GRM5: variants seen among roughly 807,000 people sequenced by gnomAD.
The protein encoded by GRM5 is glutamate metabotropic receptor 5, also known as metabotropic glutamate receptor 5.
A neutral mutation model predicts 83.1 loss-of-function variants in GRM5; 19 were observed. That is an observed-to-expected ratio of 0.23 (90% confidence interval 0.16 to 0.34). GRM5 has a LOEUF of 0.34. GRM5 is among the 10% of genes least tolerant of loss of function. The probability of loss-of-function intolerance (pLI) is 1.00; values close to 1 mark genes in which losing one functional copy is unlikely to be tolerated. For synonymous variants in GRM5, 675 were observed against 633.6 expected (o/e 1.07, Z -0.98); for missense variants, 1,160 against 1,588.3 (o/e 0.73, Z 4.58).
intron 3 of GRM5, among the ~76,000 whole-genome samples, chr11:88,656,526 T>G (rs1475395074): frequency 6.6e-6 from 1 of 152,142 alleles, no homozygotes; most frequent in Non-Finnish European, 1.5e-5. Context: ...TTGAAAAAGG[T>G]GACTCTGCTT....
intron 3 of GRM5, among the ~76,000 whole-genome samples, chr11:88,670,135 G>T (rs1940153560): frequency 6.6e-6 from 1 of 152,014 alleles, no homozygotes; most frequent in South Asian, 2.1e-4. Context: ...AGGCAACACT[G>T]CAAAGAAGTA....
At chr11:88,917,259 GC>G (rs1945611031) in intron 2 of GRM5, among the ~76,000 whole-genome samples, 1 of 152,208 alleles carries the variant, frequency 6.6e-6, no homozygotes, top group African/African-American at 2.4e-5. Flanking sequence ...GTATGAGTCA[GC>G]AAGACTTAAA....
intron 3 of GRM5, among the ~76,000 whole-genome samples, chr11:88,762,616 T>C (rs1942546793): frequency 6.6e-6 from 1 of 152,008 alleles, no homozygotes; most frequent in Admixed American, 6.6e-5. Flanking sequence ...TGGAAAGCAG[T>C]GTGGTACCTC....
intron 9 of GRM5, among the ~76,000 whole-genome samples, chr11:88,511,088 G>A (rs933783007): frequency 5.3e-5 from 8 of 152,208 alleles, no homozygotes; most frequent in South Asian, 4.1e-4. Context: ...TGATTGTCTG[G>A]ATTGGCTTCC....
chr11:88,990,629 A>C (rs1460386854), intron 2 of GRM5, among the ~76,000 whole-genome samples: 13 of 149,056 alleles, frequency 8.7e-5, no homozygotes, highest in African/African-American at 2.0e-4. Context: ...TACTGGCAAA[A>C]CGAATCCAGC....
intron 2 of GRM5, among the ~76,000 whole-genome samples, chr11:89,029,130 A>G (rs1445395716): frequency 7.9e-5 from 12 of 152,226 alleles, no homozygotes; most frequent in Admixed American, 7.9e-4. Flanking sequence ...TTATGCCTGC[A>G]TAGTATTCCA....
At chr11:88,807,583 G>A (rs560737479) in intron 3 of GRM5, among the ~76,000 whole-genome samples, 1 of 152,204 alleles carries the variant, frequency 6.6e-6, no homozygotes, top group South Asian at 2.1e-4. Context: ...GCTGGGCCCT[G>A]TGAGTCGAGC....
chr11:88,983,812 C>A (rs1255251496), intron 2 of GRM5, among the ~76,000 whole-genome samples: 2 of 151,962 alleles, frequency 1.3e-5, no homozygotes, highest in Non-Finnish European at 2.9e-5. Context: ...TGCCCCCATG[C>A]ACATTATTGC....
Position 88,578,847 on chromosome 11 carries a change from A to T in GRM5, c.1691-10855T>A, listed in dbSNP as rs143582690. 7.3e-3 allele frequency among the ~76,000 whole-genome samples: 1,114 copies of T among 151,888 alleles called. 11 individuals are homozygous for T. Among genetic ancestry groups the T allele is most frequent in the African/African-American group, 0.026 (1,076 of 41,466 alleles). On this transcript the variant is annotated intron_variant, in intron 7 of 9. Transcript: ENST00000305447. ...CTAACTGAAACAACTTTATCAAGCT[A>T]ACTGTTTGAAAAAAAAAAGACAGTG...
At chr11:88,886,072 A>G (rs1390874227) in intron 2 of GRM5, among the ~76,000 whole-genome samples, 1 of 152,228 alleles carries the variant, frequency 6.6e-6, no homozygotes, top group African/African-American at 2.4e-5. Flanking sequence ...TGAGCCCTGT[A>G]TAAATCAGAC....
chr11:88,811,602 T>A (rs1943589691), intron 3 of GRM5, among the ~76,000 whole-genome samples: 1 of 152,094 alleles, frequency 6.6e-6, no homozygotes, highest in African/African-American at 2.4e-5. Flanking sequence ...CTCTGTAGAA[T>A]GAAAGTAGAA....
At chr11:89,025,257 C>G (rs1300329319) in intron 2 of GRM5, among the ~76,000 whole-genome samples, 1 of 152,220 alleles carries the variant, frequency 6.6e-6, no homozygotes, top group Admixed American at 6.5e-5. Flanking sequence ...TAGACTGGAT[C>G]TGCCCTGGTG....
chr11:88,812,441 A>T (rs1180779179), intron 3 of GRM5, among the ~76,000 whole-genome samples: 1 of 152,182 alleles, frequency 6.6e-6, no homozygotes, highest in Non-Finnish European at 1.5e-5. Flanking sequence ...TAAGACCTGG[A>T]AATGTTAAAT....
chr11:88,679,248 A>G (rs1591435077), intron 3 of GRM5, among the ~76,000 whole-genome samples: 1 of 152,198 alleles, frequency 6.6e-6, no homozygotes, highest in East Asian at 1.9e-4. Context: ...ACATTTAAGA[A>G]ATACTGAGGA....
intron 6 of GRM5, among the ~76,000 whole-genome samples, chr11:88,592,692 T>C (rs1426505466): frequency 6.6e-6 from 1 of 152,266 alleles, no homozygotes; most frequent in Non-Finnish European, 1.5e-5. Context: ...CCTCTGATAA[T>C]TTAGAAATTG....
intron 3 of GRM5, among the ~76,000 whole-genome samples, chr11:88,833,395 A>G (rs902524460): frequency 3.3e-5 from 5 of 152,286 alleles, no homozygotes; most frequent in South Asian, 2.1e-4. Context: ...CTCCACATCA[A>G]TAAGCACCAG....
chr11:88,923,298 C>A (rs188859964), intron 2 of GRM5, among the ~76,000 whole-genome samples: 1 of 151,944 alleles, frequency 6.6e-6, no homozygotes, highest in Admixed American at 6.6e-5. Context: ...GTAAGCAAAC[C>A]GAAGTGTTCA....
intron 2 of GRM5, among the ~76,000 whole-genome samples, chr11:88,880,186 T>C (rs1231661485): frequency 6.6e-6 from 1 of 151,798 alleles, no homozygotes; most frequent in Non-Finnish European, 1.5e-5. Context: ...AAGAACGCTA[T>C]GAGGCAGGGA....
intron 3 of GRM5, among the ~76,000 whole-genome samples, chr11:88,820,374 C>CAAAAAAAAAAAAAAAAAAA (rs11457342): frequency 1.5e-5 from 1 of 68,950 alleles, no homozygotes; most frequent in African/African-American, 6.0e-5. Flanking sequence ...AACTCCATCT[C>CAAAAAAAAAAAAAAAAAAA]AAAAAAAAAA....
Sources: gnomAD v4.1 joint callset for allele counts (sites outside exome capture counted in the v4.1 genomes callset) on GRCh38, gnomAD v4.1.1 for gene constraint, MANE v1.5 for transcripts, NCBI Gene and HGNC (gene_info 2026-07-23, HGNC 2026-07-21) for gene names.